COL13A1: variants seen among roughly 807,000 people sequenced by gnomAD.
COL13A1 encodes the protein collagen alpha-1(XIII) chain.
A neutral mutation model predicts 130.9 loss-of-function variants in COL13A1; 89 were observed. The observed-to-expected ratio is 0.68, with a 90% CI of 0.57 to 0.81. The LOEUF (loss-of-function observed/expected upper bound fraction) is 0.81. Ranked by LOEUF, COL13A1 falls within the 30% of genes least tolerant of loss-of-function variation. COL13A1 has a pLI of 0.00. For missense variants in COL13A1, 879 were observed against 934.6 expected, an observed-to-expected ratio of 0.94 and a Z score of 0.78; for synonymous variants, 402 against 341.6, an observed-to-expected ratio of 1.18 and a Z score of -1.95.
chr10:69,872,122 T>C lies in COL13A1; in HGVS notation c.373-62T>C, dbSNP rs2059131827. The C allele has an allele frequency of 5.6e-6, 9 of 1,600,020 alleles. No individual in the cohort carries two copies. The East Asian group carries it at 1.3e-4, about 24-fold the overall frequency. On this transcript the variant is annotated intron_variant, in intron 3 of 40. Coordinates refer to ENST00000645393, the MANE Select transcript of COL13A1 (RefSeq NM_001368882.1). ...AAGGTCACACAGCTGGTTGAGACAG[T>C]GTTCAACAGTTAGGTGTTACGATAC...
intron 7 of COL13A1, 109 bp downstream of exon 7, chr10:69,880,662 G>A: frequency 1.7e-6 from 2 of 1,173,568 alleles, no homozygotes; most frequent in Admixed American, 4.1e-5. Flanking sequence ...GCCCCTGGGT[G>A]GGGAGGCCAC....
chr10:69,913,239 G>A (rs1178131314), intron 17 of COL13A1, among the ~76,000 whole-genome samples: 2 of 152,192 alleles, frequency 1.3e-5, no homozygotes, highest in African/African-American at 4.8e-5. Flanking sequence ...ACGTGGCCAA[G>A]ACCTTTTGTA....
intron 24 of COL13A1, among the ~76,000 whole-genome samples, chr10:69,924,349 C>T (rs187075620): frequency 2.6e-5 from 4 of 151,982 alleles, no homozygotes; most frequent in East Asian, 1.9e-4. Context: ...ATTGAAACTG[C>T]GCTTGGTTTT....
rs927923490 is a variant in COL13A1, at chr10:69,907,347, G to T, written c.921+1525G>T. Among the ~76,000 whole-genome samples, 10 of 152,214 alleles carry T rather than the reference G, an allele frequency of 6.6e-5. No individual in the cohort carries two copies. The East Asian group carries it at 1.7e-3, about 26-fold the overall frequency. On this transcript the variant is annotated intron_variant, in intron 17 of 40. Coordinates refer to ENST00000645393, the MANE Select transcript of COL13A1 (RefSeq NM_001368882.1). ...GCTATAACAGAATACCACAGACTGG[G>T]TCATTTATAAAGACAAGAAATTTAT...
In COL13A1 at chr10:69,894,403, A is replaced by G. The variant is rs1460904618; in HGVS notation, c.604-149A>G. 1.4e-5 allele frequency: 12 copies of G among 850,600 alleles called. No homozygotes were observed. The Admixed American group carries it at 2.8e-4, about 20-fold the overall frequency. 52.7% of individuals were successfully genotyped at this position (850,600 alleles called of 1,614,324 possible). A position where few individuals can be genotyped will look rare whatever the true frequency, so the allele number is the denominator to read the frequency against. ...AAGCAGCTGAGACTCTGTGAATAAGACATCTTGAATGTGGTGGGCATGGGA... is the reference window on the plus strand; with the variant it reads ...AAGCAGCTGAGACTCTGTGAATAAGGCATCTTGAATGTGGTGGGCATGGGA... On this transcript the variant is annotated intron_variant, in intron 10 of 40. Transcript: ENST00000645393.
At chr10:69,835,049 C>T (rs1849684896) in intron 2 of COL13A1, among the ~76,000 whole-genome samples, 1 of 152,154 alleles carries the variant, frequency 6.6e-6, no homozygotes, top group Non-Finnish European at 1.5e-5. Flanking sequence ...AGACTTTCTG[C>T]CCCAGGACAT....
chr10:69,852,030 A>AT (rs1184797089), intron 2 of COL13A1, among the ~76,000 whole-genome samples: 1 of 151,950 alleles, frequency 6.6e-6, no homozygotes, highest in Non-Finnish European at 1.5e-5. Flanking sequence ...ACCACAGAGG[A>AT]TTTTTTTCTG....
chr10:69,926,568 T>C (rs907257618), intron 26 of COL13A1, among the ~76,000 whole-genome samples: 10 of 152,264 alleles, frequency 6.6e-5, no homozygotes, highest in African/African-American at 1.9e-4. Context: ...TGTGTCCGTA[T>C]GTGACTCCAT....
chr10:69,878,182 G>A lies in COL13A1; in HGVS notation c.462+117G>A, dbSNP rs1298766102. 6 of 667,410 alleles carry A rather than the reference G, an allele frequency of 9.0e-6. No individual in the cohort carries two copies. In the African/African-American group the frequency reaches 1.1e-4, roughly 12 times the overall value. The allele number at this position is 667,410 out of a possible 1,614,324, so 41.3% of individuals were successfully genotyped here. ...AGCCGCAGCAGAGGGTGCTGGCTGG[G>A]CCTGCTGCCCTCACTGCCTCTCACG... On this transcript the variant is annotated intron_variant, in intron 6 of 40. Transcript: ENST00000645393.
intron 14 of COL13A1, among the ~76,000 whole-genome samples, chr10:69,899,810 G>A (rs139011685): frequency 6.6e-5 from 10 of 152,190 alleles, no homozygotes; most frequent in African/African-American, 1.2e-4. Context: ...CAGGTACCCC[G>A]CCCAGCACAG....
chr10:69,867,485 A>G (rs2058640036), intron 2 of COL13A1, among the ~76,000 whole-genome samples: 1 of 152,170 alleles, frequency 6.6e-6, no homozygotes, highest in South Asian at 2.1e-4. Flanking sequence ...AGCCTTGTAC[A>G]CAAGTTCAGG....
chr10:69,857,026 G>C (rs1856624137), intron 2 of COL13A1, among the ~76,000 whole-genome samples: 1 of 152,162 alleles, frequency 6.6e-6, no homozygotes, highest in African/African-American at 2.4e-5. Context: ...GTCCCTATCT[G>C]TGTGTGGCAG....
At chr10:69,813,289 C>T (rs1042462745) in intron 1 of COL13A1, among the ~76,000 whole-genome samples, 1 of 152,230 alleles carries the variant, frequency 6.6e-6, no homozygotes, top group African/African-American at 2.4e-5. Flanking sequence ...GCCTCCCATG[C>T]ACACCATCAG....
At chr10:69,940,744 C>T (rs991960834) in intron 34 of COL13A1, among the ~76,000 whole-genome samples, 1 of 152,258 alleles carries the variant, frequency 6.6e-6, no homozygotes, top group Admixed American at 6.5e-5. Flanking sequence ...CCATCTGCGC[C>T]GACCTCCACC....
intron 14 of COL13A1, 56 bp from the exon 15 acceptor site, chr10:69,902,692 G>A (rs550945109): frequency 2.2e-5 from 32 of 1,439,206 alleles, no homozygotes; most frequent in Middle Eastern, 1.8e-4. Flanking sequence ...TGAGGGTGGG[G>A]GACGGTCTGC....
chr10:69,888,441 T>G, intron 9 of COL13A1, 111 bp downstream of exon 9: 1 of 1,465,508 alleles, frequency 6.8e-7, no homozygotes, highest in Non-Finnish European at 9.3e-7. Context: ...AGAAAAGTCC[T>G]GGGGCTGAAG....
intron 19 of COL13A1, among the ~76,000 whole-genome samples, chr10:69,918,680 C>T (rs1189701802): frequency 6.6e-6 from 1 of 152,190 alleles, no homozygotes; most frequent in Non-Finnish European, 1.5e-5. Flanking sequence ...CCCTAACTGC[C>T]CATTTGGTTG....
chr10:69,819,943 G>A (rs924201739), intron 1 of COL13A1, among the ~76,000 whole-genome samples: 1 of 152,124 alleles, frequency 6.6e-6, no homozygotes, highest in African/African-American at 2.4e-5. Context: ...CTGTCTCTGA[G>A]CCTTCGCCTC....
rs149509646 is a variant in COL13A1, at chr10:69,947,560, G to C, written c.2058+218G>C. ...CCTGTATTTTTCCACACAGCAAGGA[G>C]AGACTGAATCCCATGGCAGCCACCA... On this transcript the variant is annotated intron_variant, in intron 38 of 40. Coordinates refer to ENST00000645393, the MANE Select transcript of COL13A1 (RefSeq NM_001368882.1). Among the ~76,000 whole-genome samples the C allele has an allele frequency of 5.7e-3, 870 of 152,294 alleles. 17 individuals are homozygous for C. Among genetic ancestry groups the C allele is most frequent in the Middle Eastern group, 0.054 (16 of 294 alleles).
Sources: allele counts gnomAD v4.1 joint callset (sites outside exome capture counted in the v4.1 genomes callset), GRCh38; gene constraint gnomAD v4.1.1; transcripts MANE v1.5; gene names NCBI Gene and HGNC (gene_info 2026-07-23, HGNC 2026-07-21).